Variants in ERC2 observed in about 807,000 individuals in gnomAD.
ERC2 encodes ELKS/RAB6-interacting/CAST family member 2, also known as ERC protein 2.
Under a neutral mutation model 114.8 loss-of-function variants are expected in ERC2, and 42 were observed. That is an observed-to-expected ratio of 0.37 (90% confidence interval 0.29 to 0.47). The LOEUF (loss-of-function observed/expected upper bound fraction) is 0.47, where lower values mean the gene tolerates loss of function less well. Among genes scored for constraint, ERC2 ranks in the 20% least tolerant of loss-of-function variants. The pLI is 0.99. For synonymous variants in ERC2, 454 were observed against 425.5 expected (o/e 1.07, Z -0.82); for missense variants, 939 against 1,150.7 (o/e 0.82, Z 2.66).
chr3:56,277,556 C>T (rs1433657286), intron 3 of ERC2, among the ~76,000 whole-genome samples: 1 of 152,082 alleles, frequency 6.6e-6, no homozygotes, highest in African/African-American at 2.4e-5. Context: ...CTTAGATGTT[C>T]CTGTTTCAAG....
chr3:56,010,863 G>C (rs964296940), intron 8 of ERC2, among the ~76,000 whole-genome samples: 1 of 152,198 alleles, frequency 6.6e-6, no homozygotes, highest in African/African-American at 2.4e-5. Context: ...TTGGTTCATG[G>C]TAGTATCCAG....
Position 56,046,018 on chromosome 3 carries a change from C to T in ERC2, c.1642-26987G>A, listed in dbSNP as rs1252566780. On this transcript the variant is annotated intron_variant, in intron 7 of 17. Transcript: ENST00000288221. ...TACCTGATAATGCAGATTCCTGAGCCCCCGACTAGAAGTGCTGACACAGTA... is the reference window on the plus strand; with the variant it reads ...TACCTGATAATGCAGATTCCTGAGCTCCCGACTAGAAGTGCTGACACAGTA... Among the ~76,000 whole-genome samples the T allele has an allele frequency of 4.6e-5, 7 of 152,078 alleles. No individual in the cohort carries two copies. The South Asian group carries it at 1.2e-3, about 27-fold the overall frequency.
At chr3:56,126,581 A>C (rs73091268) in intron 6 of ERC2, among the ~76,000 whole-genome samples, 3,939 of 152,098 alleles carry the variant, frequency 0.026, 102 homozygotes, top group African/African-American at 0.061. Flanking sequence ...ATACAGCAAG[A>C]CCTCATTTCT....
chr3:56,049,197 T>C (rs2075635826), intron 7 of ERC2, among the ~76,000 whole-genome samples: 1 of 152,126 alleles, frequency 6.6e-6, no homozygotes, highest in Non-Finnish European at 1.5e-5. Context: ...CGACTTGTGT[T>C]GACAAAGATG....
intron 3 of ERC2, among the ~76,000 whole-genome samples, chr3:56,214,287 G>C (rs1353071872): frequency 6.6e-6 from 1 of 151,976 alleles, no homozygotes; most frequent in Non-Finnish European, 1.5e-5. Flanking sequence ...CCAATGGAGA[G>C]AAGCCCTTAA....
intron 17 of ERC2, among the ~76,000 whole-genome samples, chr3:55,676,878 TA>T (rs2061839129): frequency 6.6e-6 from 1 of 152,168 alleles, no homozygotes; most frequent in Admixed American, 6.5e-5. Flanking sequence ...GGCCCAGTGG[TA>T]ATTTATCACC....
intron 17 of ERC2, among the ~76,000 whole-genome samples, chr3:55,648,412 G>A (rs2060479303): frequency 2.0e-5 from 3 of 152,096 alleles, no homozygotes; most frequent in Admixed American, 2.0e-4. Context: ...ACTGCTGCAG[G>A]ACACTATGAT....
At position 56,043,100 on chromosome 3, in the gene ERC2, C is replaced by T. The variant is rs116094480; in HGVS notation, c.1642-24069G>A. On this transcript the variant is annotated intron_variant, in intron 7 of 17. Coordinates refer to ENST00000288221, the MANE Select transcript of ERC2 (RefSeq NM_015576.3). ...GCAGAGCGGCCAAGAGGTCTGGAGC[C>T]CGCAAAATGAAAAAAACTCCTAATA... 8.5e-3 allele frequency among the ~76,000 whole-genome samples: 1,287 copies of T among 152,102 alleles called. 13 individuals carry two copies. The highest frequency in any genetic ancestry group is 0.029 in the African/African-American group (1,218 of 41,484).
At chr3:55,769,687 A>G (rs9857120) in intron 14 of ERC2, among the ~76,000 whole-genome samples, 1 of 151,934 alleles carries the variant, frequency 6.6e-6, no homozygotes, top group Non-Finnish European at 1.5e-5. Flanking sequence ...ACCAATATAC[A>G]TTACATATTG....
intron 17 of ERC2, among the ~76,000 whole-genome samples, chr3:55,545,361 T>A (rs1308370246): frequency 6.6e-5 from 10 of 152,216 alleles, no homozygotes; most frequent in Middle Eastern, 3.4e-3. Context: ...GATGGAGTGG[T>A]AAGAAGCAGT....
At chr3:56,046,969 G>A (rs2075501046) in intron 7 of ERC2, among the ~76,000 whole-genome samples, 1 of 152,204 alleles carries the variant, frequency 6.6e-6, no homozygotes, top group African/African-American at 2.4e-5. Flanking sequence ...CTAGTGGAAA[G>A]GAGTCTGTCT....
intron 3 of ERC2, among the ~76,000 whole-genome samples, chr3:56,279,677 C>T (rs776360502): frequency 2.6e-5 from 4 of 152,188 alleles, no homozygotes; most frequent in Admixed American, 1.3e-4. Flanking sequence ...TCGGGCAATG[C>T]AGGGTTCTGA....
intron 14 of ERC2, among the ~76,000 whole-genome samples, chr3:55,809,644 A>T (rs1430625663): frequency 6.6e-6 from 1 of 152,214 alleles, no homozygotes. Context: ...GACAAAGAAC[A>T]TAAAAGGATA....
chr3:56,368,252 A>C (rs1206203065), intron 2 of ERC2, among the ~76,000 whole-genome samples: 1 of 151,454 alleles, frequency 6.6e-6, no homozygotes, highest in Admixed American at 6.6e-5. Flanking sequence ...ATTAATTATC[A>C]ATTTCTATTG....
intron 6 of ERC2, among the ~76,000 whole-genome samples, chr3:56,137,437 G>T (rs77825546): frequency 3.6e-4 from 55 of 152,322 alleles, no homozygotes; most frequent in African/African-American, 1.3e-3. Flanking sequence ...CCAGAGAGAA[G>T]ACTAGCTGGG....
chr3:56,410,615 T>C (rs1483748809), intron 2 of ERC2, among the ~76,000 whole-genome samples: 1 of 152,144 alleles, frequency 6.6e-6, no homozygotes. Flanking sequence ...GGGGGTTGTT[T>C]TTAGAGGCAG....
chr3:55,843,003 A>C (rs2061203706), intron 14 of ERC2, among the ~76,000 whole-genome samples: 1 of 152,176 alleles, frequency 6.6e-6, no homozygotes, highest in Non-Finnish European at 1.5e-5. Context: ...CCCACATAGG[A>C]CTGCTGGTTA....
chr3:56,221,232 G>T (rs767636307), intron 3 of ERC2, among the ~76,000 whole-genome samples: 2 of 151,588 alleles, frequency 1.3e-5, no homozygotes, highest in Non-Finnish European at 2.9e-5. Flanking sequence ...CTTTTTGTCA[G>T]GCTAACATTA....
At chr3:56,408,488 C>A (rs1576811473) in intron 2 of ERC2, among the ~76,000 whole-genome samples, 2 of 152,040 alleles carry the variant, frequency 1.3e-5, no homozygotes, top group East Asian at 1.9e-4. Flanking sequence ...ACACACACAC[C>A]CCATATACGC....
Sources: gnomAD v4.1 joint callset for allele counts (sites outside exome capture counted in the v4.1 genomes callset) on GRCh38, gnomAD v4.1.1 for gene constraint, MANE v1.5 for transcripts, NCBI Gene and HGNC (gene_info 2026-07-23, HGNC 2026-07-21) for gene names.